CA10: variants seen among roughly 807,000 people sequenced by gnomAD.
The protein encoded by CA10 is carbonic anhydrase 10 (inactive).
Under a neutral mutation model 44.2 loss-of-function variants are expected in CA10, and 14 were observed. The ratio of observed to expected loss-of-function variants is 0.32; its 90% confidence interval spans 0.21 to 0.50. The LOEUF (loss-of-function observed/expected upper bound fraction) is 0.50, where lower values mean the gene tolerates loss of function less well. Ranked by LOEUF, CA10 falls within the 20% of genes least tolerant of loss-of-function variation. The pLI is 0.99. For missense variants in CA10, 350 were observed against 409.7 expected (o/e 0.85, Z 1.26); for synonymous variants, 159 against 141.6 (o/e 1.12, Z -0.87).
At chr17:51,971,195 C>T (rs997760375) in intron 2 of CA10, among the ~76,000 whole-genome samples, 1 of 151,972 alleles carries the variant, frequency 6.6e-6, no homozygotes, top group African/African-American at 2.4e-5. Flanking sequence ...ATGAGGAGTG[C>T]CTAGAAATGA....
chr17:51,766,053 T>TAA (rs1252534578), intron 3 of CA10, among the ~76,000 whole-genome samples: 14 of 152,084 alleles, frequency 9.2e-5, no homozygotes, highest in Admixed American at 9.2e-4. Flanking sequence ...TGCTCGGAAG[T>TAA]AAGCAATGGT....
intron 3 of CA10, among the ~76,000 whole-genome samples, chr17:51,769,764 A>G (rs181584895): frequency 4.1e-4 from 63 of 152,322 alleles, no homozygotes; most frequent in Non-Finnish European, 6.3e-4. Context: ...AAAACGGTTG[A>G]TCAACATGAA....
intron 3 of CA10, among the ~76,000 whole-genome samples, chr17:51,881,111 G>T (rs1290782206): frequency 6.6e-6 from 1 of 151,740 alleles, no homozygotes; most frequent in African/African-American, 2.4e-5. Flanking sequence ...ATGGTGGCTG[G>T]CGCCTGTAGT....
At chr17:51,733,154 G>T (rs7214924) in intron 4 of CA10, among the ~76,000 whole-genome samples, 59,654 of 152,086 alleles carry the variant, frequency 0.39, 12,436 homozygotes, top group Middle Eastern at 0.5. Flanking sequence ...CTTGGGTGCA[G>T]CCCTAAGGTA....
chr17:51,715,117 CA>C (rs770988691), intron 4 of CA10, among the ~76,000 whole-genome samples: 3 of 151,710 alleles, frequency 2.0e-5, no homozygotes, highest in Non-Finnish European at 4.4e-5. Flanking sequence ...ATTGCAAGGA[CA>C]AAAAACCAAA....
chr17:51,747,262 T>C (rs1904720772), intron 4 of CA10, among the ~76,000 whole-genome samples: 1 of 152,252 alleles, frequency 6.6e-6, no homozygotes. Context: ...GAATCTGTGC[T>C]ATCATATGTG....
intron 2 of CA10, among the ~76,000 whole-genome samples, chr17:52,021,827 T>C (rs537928153): frequency 1.3e-5 from 2 of 152,128 alleles, no homozygotes; most frequent in East Asian, 3.9e-4. Flanking sequence ...TTCCCAGGAA[T>C]GCACAACCTT....
At chr17:51,936,511 G>A (rs1316614651) in intron 2 of CA10, among the ~76,000 whole-genome samples, 1 of 117,912 alleles carries the variant, frequency 8.5e-6, no homozygotes, top group Non-Finnish European at 2.0e-5. Flanking sequence ...CAGAGCGAAA[G>A]TGAGCAGTCT....
chr17:52,114,151 T>C (rs1200890368), intron 1 of CA10, among the ~76,000 whole-genome samples: 1 of 151,036 alleles, frequency 6.6e-6, no homozygotes, highest in African/African-American at 2.4e-5. Context: ...TGAAGCTTCT[T>C]TATCATATTC....
chr17:52,118,470 A>G (rs1264871070), intron 1 of CA10, among the ~76,000 whole-genome samples: 5 of 152,166 alleles, frequency 3.3e-5, no homozygotes, highest in Non-Finnish European at 7.4e-5. Flanking sequence ...AATTTTTAAC[A>G]TATTTAACAG....
intron 1 of CA10, among the ~76,000 whole-genome samples, chr17:52,108,225 T>TATATATAA (rs1484781108): frequency 7.0e-6 from 1 of 142,562 alleles, no homozygotes; most frequent in Non-Finnish European, 1.5e-5. Context: ...TATATATATA[T>TATATATAA]AATATGTATA....
intron 2 of CA10, among the ~76,000 whole-genome samples, chr17:52,011,836 A>G (rs553601655): frequency 6.5e-4 from 99 of 152,218 alleles, no homozygotes; most frequent in Non-Finnish European, 1.3e-3. Context: ...TGACTTCAGC[A>G]TCATAGAAGA....
At chr17:51,885,809 C>A (rs540133803) in intron 3 of CA10, among the ~76,000 whole-genome samples, 45 of 152,208 alleles carry the variant, frequency 3.0e-4, no homozygotes, top group Non-Finnish European at 2.9e-5. Context: ...GTAACAGCTG[C>A]ATGCTAAACA....
chr17:52,009,945 G>T (rs1213993717), intron 2 of CA10, among the ~76,000 whole-genome samples: 1 of 151,924 alleles, frequency 6.6e-6, no homozygotes, highest in Non-Finnish European at 1.5e-5. Flanking sequence ...CTAAGGACAT[G>T]AATAGACTAT....
intron 1 of CA10, among the ~76,000 whole-genome samples, chr17:52,097,696 C>CAGGGTTCACCTG (rs2143235169): frequency 6.6e-6 from 1 of 152,244 alleles, no homozygotes; most frequent in East Asian, 1.9e-4. Context: ...ACAAATTAAG[C>CAGGGTTCACCTG]ACTCACCAAA....
At chr17:51,803,718 G>A (rs1045682039) in intron 3 of CA10, among the ~76,000 whole-genome samples, 1 of 152,156 alleles carries the variant, frequency 6.6e-6, no homozygotes, top group South Asian at 2.1e-4. Context: ...AAATTTTAAA[G>A]TATAATTTAG....
intron 4 of CA10, among the ~76,000 whole-genome samples, chr17:51,705,897 A>G (rs1010249902): frequency 3.3e-5 from 5 of 152,308 alleles, no homozygotes; most frequent in African/African-American, 1.2e-4. Flanking sequence ...AGGTAGGGGT[A>G]GTTTTTTTCA....
At chr17:51,636,522 C>T (rs1912834259) in intron 6 of CA10, among the ~76,000 whole-genome samples, 2 of 152,120 alleles carry the variant, frequency 1.3e-5, no homozygotes, top group Non-Finnish European at 2.9e-5. Context: ...GGGCCCTGAG[C>T]ATTGGTGAGC....
At chr17:51,983,338 G>A (rs1338201949) in intron 2 of CA10, among the ~76,000 whole-genome samples, 1 of 151,700 alleles carries the variant, frequency 6.6e-6, no homozygotes, top group Non-Finnish European at 1.5e-5. Flanking sequence ...AAAACAAATT[G>A]GGGATTATTG....
Sources: gnomAD v4.1 joint callset for allele counts (sites outside exome capture counted in the v4.1 genomes callset) on GRCh38, gnomAD v4.1.1 for gene constraint, MANE v1.5 for transcripts, NCBI Gene and HGNC (gene_info 2026-07-23, HGNC 2026-07-21) for gene names.